HS6ST3: variants seen among roughly 807,000 people sequenced by gnomAD.
HS6ST3 encodes heparan-sulfate 6-O-sulfotransferase 3.
Under a neutral mutation model 36.7 loss-of-function variants are expected in HS6ST3, and 12 were observed. The ratio of observed to expected loss-of-function variants is 0.33; its 90% CI spans 0.21 to 0.53. HS6ST3 has a LOEUF of 0.53. Ranked by LOEUF, HS6ST3 falls within the 20% of genes least tolerant of loss-of-function variation. The probability of loss-of-function intolerance (pLI) is 0.95; values close to 1 mark genes in which losing one functional copy is unlikely to be tolerated. For synonymous variants in HS6ST3, 240 were observed against 257.5 expected, an observed-to-expected ratio of 0.93 and a Z score of 0.65; for missense variants, 584 against 640.9, an observed-to-expected ratio of 0.91 and a Z score of 0.96.
intron 1 of HS6ST3, among the ~76,000 whole-genome samples, chr13:96,128,169 C>G (rs1354252103): frequency 1.3e-5 from 2 of 152,214 alleles, no homozygotes; most frequent in Non-Finnish European, 2.9e-5. Context: ...TCTGTTTTCT[C>G]CAGTTATTAA....
intron 1 of HS6ST3, among the ~76,000 whole-genome samples, chr13:96,821,648 A>C (rs750537765): frequency 3.3e-5 from 5 of 152,248 alleles, no homozygotes; most frequent in Non-Finnish European, 5.9e-5. Flanking sequence ...ATTTTGAGTT[A>C]GCATTCCTCT....
chr13:96,411,385 T>C (rs547858359), intron 1 of HS6ST3, among the ~76,000 whole-genome samples: 2 of 152,254 alleles, frequency 1.3e-5, no homozygotes, highest in South Asian at 4.1e-4. Flanking sequence ...TTACATAGGC[T>C]GAAATGAGGA....
chr13:96,150,236 A>G (rs567356844), intron 1 of HS6ST3, among the ~76,000 whole-genome samples: 1 of 152,134 alleles, frequency 6.6e-6, no homozygotes. Flanking sequence ...TGGACTTTTT[A>G]TGGGCTTAGA....
At chr13:96,486,015 TC>T (rs1323873346) in intron 1 of HS6ST3, among the ~76,000 whole-genome samples, 1 of 50,266 alleles carries the variant, frequency 2.0e-5, no homozygotes, top group Non-Finnish European at 3.7e-5. Flanking sequence ...CCCTCCCCCC[TC>T]CCCCCACCCC....
At chr13:96,301,620 G>A (rs866845809) in intron 1 of HS6ST3, among the ~76,000 whole-genome samples, 5 of 152,020 alleles carry the variant, frequency 3.3e-5, no homozygotes, top group East Asian at 1.9e-4. Flanking sequence ...GGCCGGGTGC[G>A]GGGGCTCACG....
chr13:96,311,862 A>C (rs186022534), intron 1 of HS6ST3, among the ~76,000 whole-genome samples: 3 of 152,310 alleles, frequency 2.0e-5, no homozygotes, highest in Admixed American at 6.5e-5. Context: ...AATGAGCTTC[A>C]AGAGGGAGAG....
intron 1 of HS6ST3, among the ~76,000 whole-genome samples, chr13:96,186,929 C>T (rs1343791472): frequency 6.6e-6 from 1 of 152,170 alleles, no homozygotes; most frequent in African/African-American, 2.4e-5. Context: ...ATTGAAGAGG[C>T]CACTGTATGA....
At chr13:96,330,089 A>G in intron 1 of HS6ST3, among the ~76,000 whole-genome samples, 1 of 139,318 alleles carries the variant, frequency 7.2e-6, no homozygotes, top group Middle Eastern at 3.6e-3. Context: ...TGCATGTGAG[A>G]TGGGTTTCCT....
At chr13:96,690,621 A>G (rs1344686587) in intron 1 of HS6ST3, among the ~76,000 whole-genome samples, 3 of 152,086 alleles carry the variant, frequency 2.0e-5, no homozygotes, top group African/African-American at 7.2e-5. Flanking sequence ...GCCTGGACAG[A>G]GATTACCCTT....
Position 96,832,879 on chromosome 13 carries a change from G to A in HS6ST3, c.1097G>A (p.Arg366Lys). 6.2e-7 allele frequency: 1 copy of A among 1,614,212 alleles called. No individual in the cohort carries two copies. Among genetic ancestry groups the A allele is most frequent in the South Asian group, 1.1e-5 (1 of 91,070 alleles). The change falls in exon 2 of 2, where the codon AGA becomes AAA. Residue 366 changes from arginine to lysine, a missense_variant. Around this residue, in one of 3 missense-constraint regions of HS6ST3, gnomAD observed 360 missense variants for 411.3 expected, o/e 0.88. Transcript: ENST00000376705. ...FQRKTQFLFE[R>K]TFNLKFISPF... Reference sequence around the variant, plus strand: ...AGGAAGACACAGTTTCTCTTTGAGAGAACATTCAACCTCAAGTTCATCTCC... The same window carrying A: ...AGGAAGACACAGTTTCTCTTTGAGAAAACATTCAACCTCAAGTTCATCTCC...
chr13:96,327,394 A>G (rs1010127344), intron 1 of HS6ST3, among the ~76,000 whole-genome samples: 1 of 152,144 alleles, frequency 6.6e-6, no homozygotes, highest in African/African-American at 2.4e-5. Context: ...AGCTTTCTAC[A>G]TATGGCTAGC....
chr13:96,097,499 T>G (rs1274882428), intron 1 of HS6ST3, among the ~76,000 whole-genome samples: 1 of 152,162 alleles, frequency 6.6e-6, no homozygotes, highest in Non-Finnish European at 1.5e-5. Flanking sequence ...AAATCCAAAT[T>G]AATATTTTGT....
chr13:96,127,317 A>G (rs1221601786), intron 1 of HS6ST3, among the ~76,000 whole-genome samples: 1 of 151,934 alleles, frequency 6.6e-6, no homozygotes, highest in South Asian at 2.1e-4. Context: ...AGGTCGGGGG[A>G]TGGTTTTGGG....
At position 96,407,281 on chromosome 13, in the gene HS6ST3, T is replaced by C. The variant is rs578199078; in HGVS notation, c.707+315712T>C. On this transcript the variant is annotated intron_variant, in intron 1 of 1. Coordinates refer to ENST00000376705, the MANE Select transcript of HS6ST3 (RefSeq NM_153456.4). ...CATCCCTTCAGTGGTCAATGATTCT[T>C]ACATCCTTATATAGTTCTTCAGGCA... Among the ~76,000 whole-genome samples, 469 of 152,302 alleles carry C rather than the reference T, an allele frequency of 3.1e-3. 3 individuals are homozygous for C. Among genetic ancestry groups the C allele is most frequent in the Middle Eastern group, 6.8e-3 (2 of 294 alleles).
At chr13:96,223,973 C>T (rs1214686408) in intron 1 of HS6ST3, among the ~76,000 whole-genome samples, 1 of 151,884 alleles carries the variant, frequency 6.6e-6, no homozygotes, top group Non-Finnish European at 1.5e-5. Context: ...ATCTTCCCTT[C>T]CCTCTTCTTC....
At chr13:96,663,753 T>C (rs1167016511) in intron 1 of HS6ST3, among the ~76,000 whole-genome samples, 5 of 152,162 alleles carry the variant, frequency 3.3e-5, no homozygotes, top group African/African-American at 1.2e-4. Flanking sequence ...GTCCATCAAT[T>C]TTAAAATGTG....
At chr13:96,650,664 G>A (rs185142836) in intron 1 of HS6ST3, among the ~76,000 whole-genome samples, 1 of 151,932 alleles carries the variant, frequency 6.6e-6, no homozygotes, top group Non-Finnish European at 1.5e-5. Context: ...CAGGCAGCAG[G>A]GTGGAAGACT....
rs537227216 is a variant in HS6ST3, at chr13:96,583,032, A to G, written c.708-249458A>G. Among the ~76,000 whole-genome samples the G allele has an allele frequency of 1.2e-4, 19 of 152,074 alleles. No homozygotes were observed. In the East Asian group the frequency reaches 3.5e-3, roughly 28 times the overall value. On this transcript the variant is annotated intron_variant, in intron 1 of 1. Transcript: ENST00000376705. ...CTCCATGCATGAACGCTTCCAGGTC[A>G]TCATCCTATTTCTCTAGAACCCCAG...
intron 1 of HS6ST3, among the ~76,000 whole-genome samples, chr13:96,576,625 C>T (rs2056322201): frequency 1.3e-5 from 2 of 152,248 alleles, no homozygotes; most frequent in African/African-American, 2.4e-5. Flanking sequence ...CAGTGCCATG[C>T]TCCTTAAGCT....
Sources: allele counts gnomAD v4.1 joint callset (sites outside exome capture counted in the v4.1 genomes callset), GRCh38; gene constraint gnomAD v4.1.1; regional missense constraint gnomAD v4.1.1; transcripts MANE v1.5; gene names NCBI Gene and HGNC (gene_info 2026-07-23, HGNC 2026-07-21).